Variants in COL6A6 observed in about 807,000 individuals in gnomAD.
COL6A6 encodes collagen alpha-6(VI) chain.
In COL6A6, 183 loss-of-function variants were observed where a neutral mutation model predicts 208.6. The ratio of observed to expected loss-of-function variants is 0.88; its 90% CI spans 0.78 to 0.99. The LOEUF (loss-of-function observed/expected upper bound fraction) is 0.99, where lower values mean the gene tolerates loss of function less well. Ranked by LOEUF, COL6A6 falls within the 50% of genes least tolerant of loss-of-function variation. COL6A6 has a pLI of 0.00. For missense variants in COL6A6, 2,816 were observed against 2,815.2 expected (o/e 1.00, Z -0.01); for synonymous variants, 973 against 1,011.8 (o/e 0.96, Z 0.73).
chr3:130,604,242 C>G (rs902350851), intron 20 of COL6A6, among the ~76,000 whole-genome samples: 10 of 152,250 alleles, frequency 6.6e-5, no homozygotes, highest in Admixed American at 2.0e-4. Context: ...GCCTGTAATC[C>G]CAGCACTTTG....
At position 130,593,246 on chromosome 3, in the gene COL6A6, A is replaced by C; in HGVS notation, c.4464A>C (p.Gly1488=). Residue 1488 remains glycine (G), a synonymous_variant, in exon 17 of 37, where the codon GGA becomes GGC. Transcript: ENST00000358511. Reference sequence around the variant, plus strand: ...GAAAAGGAGAAAAGGGAGATGAGGGATCTCAGGTAGGGATTTGAAAAGGAA... The same window carrying C: ...GAAAAGGAGAAAAGGGAGATGAGGGCTCTCAGGTAGGGATTTGAAAAGGAA... ...PGRKGEKGDE[G]SQGSPGKRGT... The C allele has an allele frequency of 6.2e-7, 1 of 1,611,502 alleles. No individual in the cohort carries two copies. Among genetic ancestry groups the C allele is most frequent in the African/African-American group, 1.3e-5 (1 of 75,002 alleles).
At position 130,665,053 on chromosome 3, in the gene COL6A6, C is replaced by G; in HGVS notation, c.6553C>G (p.Leu2185Val). Residue 2185 changes from leucine (L) to valine (V), a missense_variant, in exon 36 of 37, where the codon CTT becomes GTT. Transcript: ENST00000358511. ...AAACTTAAAAATAAAGTGCAACAGACTTAACTCTATAGATCCAAAGCAGCC... is the reference window on the plus strand; with the variant it reads ...AAACTTAAAAATAAAGTGCAACAGAGTTAACTCTATAGATCCAAAGCAGCC... ...PINLKIKCNRLNSIDPKQPPR... is the reference protein window; with the variant it reads ...PINLKIKCNRVNSIDPKQPPR... The G allele has an allele frequency of 5.0e-6, 8 of 1,610,660 alleles. No individual in the cohort carries two copies. The highest frequency in any genetic ancestry group is 5.9e-6 in the Non-Finnish European group (7 of 1,178,404).
chr3:130,627,407 T>A, intron 26 of COL6A6, 38 bp downstream of exon 26: 1 of 1,598,990 alleles, frequency 6.3e-7, no homozygotes, highest in Non-Finnish European at 8.6e-7. Context: ...GTTTTCCATT[T>A]ATTTTTTGTT....
intron 11 of COL6A6, among the ~76,000 whole-genome samples, 173 bp from the exon 12 acceptor site, chr3:130,588,917 C>CAAAAAAAA (rs58377635): frequency 1.5e-5 from 1 of 68,276 alleles, no homozygotes; most frequent in African/African-American, 4.4e-5. Context: ...AAGATGGAAG[C>CAAAAAAAA]AAAAAAAAAA....
At position 130,574,326 on chromosome 3, in the gene COL6A6, C is replaced by G. The variant is rs371274885; in HGVS notation, c.3348C>G (p.Asp1116Glu). Residue 1116 changes from aspartate to glutamate, a missense_variant, in exon 8 of 37, where the codon GAC becomes GAG. Asp to Glu is a conservative substitution (Grantham distance 45). Coordinates refer to ENST00000358511, the MANE Select transcript of COL6A6 (RefSeq NM_001102608.3). ...LLVLTDGQSQ[D>E]EVAQAAEALR... ...TCCTTACAGATGGCCAGTCCCAAGA[C>G]GAGGTGGCCCAGGCCGCGGAAGCCC... 2.5e-6 allele frequency: 4 copies of G among 1,614,012 alleles called. No homozygotes were observed. In the South Asian group the frequency reaches 4.4e-5, roughly 18 times the overall value.
rs776984057 is a variant in COL6A6 at position 130,581,762 on chromosome 3, A to G, written c.3749A>G (p.Tyr1250Cys). The G allele has an allele frequency of 1.2e-6, 2 of 1,613,834 alleles. No homozygotes were observed. Among genetic ancestry groups the G allele is most frequent in the Non-Finnish European group, 1.7e-6 (2 of 1,179,844 alleles). ...CAAGTGACCAATGCCATGGAAAAAT[A>G]TTCTCCCAAGTTTGAGATCTACAGT... Reference protein sequence around the residue: ...AFQVTNAMEKYSPKFEIYSEN... With the variant: ...AFQVTNAMEKCSPKFEIYSEN... Residue 1250 changes from tyrosine (Y) to cysteine (C), a missense_variant, in exon 9 of 37, where the codon TAT (tyrosine) becomes TGT (cysteine). Coordinates refer to ENST00000358511, the MANE Select transcript of COL6A6 (RefSeq NM_001102608.3).
Position 130,599,784 on chromosome 3 carries a change from G to A in COL6A6, c.4627G>A (p.Gly1543Arg), listed in dbSNP as rs376262924. 8.7e-6 allele frequency: 14 copies of A among 1,613,452 alleles called. No homozygotes were observed. The highest frequency in any genetic ancestry group is 4.0e-5 in the African/African-American group (3 of 74,872). The change falls in exon 20 of 37, where the codon GGG becomes AGG. Residue 1543 changes from glycine (G) to arginine (R), a missense_variant. Transcript: ENST00000358511. ...QGRRGWPGPPGTPGSRRKTAA... is the reference protein window; with the variant it reads ...QGRRGWPGPPRTPGSRRKTAA... Reference sequence around the variant, plus strand: ...CAGAAGAGGCTGGCCAGGCCCCCCCGGGACACCAGGCTCCAGAAGAAAGAC... The same window carrying A: ...CAGAAGAGGCTGGCCAGGCCCCCCCAGGACACCAGGCTCCAGAAGAAAGAC...
intron 1 of COL6A6, among the ~76,000 whole-genome samples, chr3:130,543,922 T>C (rs1004936018): frequency 6.6e-6 from 1 of 152,212 alleles, no homozygotes; most frequent in Non-Finnish European, 1.5e-5. Context: ...CACTTTTTTA[T>C]TGTGTATTTT....
intron 36 of COL6A6, among the ~76,000 whole-genome samples, chr3:130,669,580 A>T (rs2066160969): frequency 6.6e-6 from 1 of 152,126 alleles, no homozygotes; most frequent in Non-Finnish European, 1.5e-5. Context: ...AGGAAATTTT[A>T]TCTTAATTCT....
At chr3:130,644,060 A>C (rs1023798230) in intron 31 of COL6A6, among the ~76,000 whole-genome samples, 6 of 152,210 alleles carry the variant, frequency 3.9e-5, no homozygotes, top group Non-Finnish European at 8.8e-5. Context: ...TGATATTTTA[A>C]AATTTAAGGG....
chr3:130,659,115 T>C (rs1350362627), intron 34 of COL6A6, among the ~76,000 whole-genome samples: 3 of 152,224 alleles, frequency 2.0e-5, no homozygotes, highest in Admixed American at 6.5e-5. Flanking sequence ...ATCTCAAATG[T>C]TCACAGCCAC....
At chr3:130,673,750 G>T (rs536525947) in intron 36 of COL6A6, among the ~76,000 whole-genome samples, 1 of 152,264 alleles carries the variant, frequency 6.6e-6, no homozygotes, top group South Asian at 2.1e-4. Flanking sequence ...TTGACCCCAG[G>T]AGTTCAAGAC....
At chr3:130,653,187 G>T (rs1189181341) in intron 33 of COL6A6, among the ~76,000 whole-genome samples, 5 of 152,142 alleles carry the variant, frequency 3.3e-5, no homozygotes, top group African/African-American at 4.8e-5. Flanking sequence ...GCACATTGAG[G>T]CTTCTAATCT....
rs747853778 is a variant in COL6A6, at chr3:130,590,003, T to A, written c.4218+821T>A. ...ATGTAAAGAGAGTGGTAGATTTTTT[T>A]AAAAAACAAGGCTCAGAAAGAATGG... On this transcript the variant is annotated intron_variant, in intron 12 of 36. Coordinates refer to ENST00000358511, the MANE Select transcript of COL6A6 (RefSeq NM_001102608.3). 22 of 450,350 alleles carry A rather than the reference T, an allele frequency of 4.9e-5. No individual in the cohort carries two copies. In the East Asian group the frequency reaches 4.9e-4, roughly 10 times the overall value. 27.9% of individuals were successfully genotyped at this position (450,350 alleles called of 1,614,324 possible). A position where few individuals can be genotyped will look rare whatever the true frequency, so the allele number is the denominator to read the frequency against.
intron 1 of COL6A6, among the ~76,000 whole-genome samples, chr3:130,521,546 G>A (rs986367719): frequency 2.0e-5 from 3 of 152,204 alleles, no homozygotes; most frequent in Non-Finnish European, 4.4e-5. Flanking sequence ...CACTGTAGCA[G>A]ATTCCCTCAA....
chr3:130,657,259 C>T (rs906080055), intron 33 of COL6A6, among the ~76,000 whole-genome samples: 2 of 152,246 alleles, frequency 1.3e-5, no homozygotes, highest in African/African-American at 4.8e-5. Flanking sequence ...ATGAACCAAG[C>T]ACAGCCTGCC....
At chr3:130,574,633 G>A in intron 8 of COL6A6, 108 bp downstream of exon 8, 1 of 858,532 alleles carries the variant, frequency 1.2e-6, no homozygotes, top group South Asian at 1.7e-5. Context: ...TTAGATTTGT[G>A]CCTCTGGATT....
At chr3:130,595,194 A>C (rs2063819867) in intron 18 of COL6A6, among the ~76,000 whole-genome samples, 1 of 152,226 alleles carries the variant, frequency 6.6e-6, no homozygotes, top group Non-Finnish European at 1.5e-5. Flanking sequence ...AAAGAAAAAA[A>C]AAAAGATACC....
At chr3:130,631,590 C>T (rs2065007558) in intron 26 of COL6A6, among the ~76,000 whole-genome samples, 1 of 8,376 alleles carries the variant, frequency 1.2e-4, no homozygotes. Flanking sequence ...GGCAGAGACA[C>T]AACCAAAAAA....
Sources: allele counts gnomAD v4.1 joint callset (sites outside exome capture counted in the v4.1 genomes callset), GRCh38; gene constraint gnomAD v4.1.1; transcripts MANE v1.5; gene names NCBI Gene and HGNC (gene_info 2026-07-23, HGNC 2026-07-21).